PRKDC: variants seen among roughly 807,000 people sequenced by gnomAD.
The protein encoded by PRKDC is protein kinase, DNA-activated, catalytic subunit, also known as DNA-dependent protein kinase catalytic subunit.
PRKDC carries 82 observed loss-of-function variants against 486.9 expected under a neutral mutation model. The observed-to-expected ratio is 0.17, with a 90% CI of 0.14 to 0.20. PRKDC has a LOEUF of 0.20. Ranked by LOEUF, PRKDC falls within the 10% of genes least tolerant of loss-of-function variation. The probability of loss-of-function intolerance (pLI) is 1.00; values close to 1 mark genes in which losing one functional copy is unlikely to be tolerated. For synonymous variants in PRKDC, 1,895 were observed against 1,837.0 expected, an observed-to-expected ratio of 1.03 and a Z score of -0.81; for missense variants, 4,504 against 5,038.2, an observed-to-expected ratio of 0.89 and a Z score of 3.21.
chr8:47,891,994 G>A (rs1037704695), intron 31 of PRKDC, among the ~76,000 whole-genome samples: 11 of 151,936 alleles, frequency 7.2e-5, no homozygotes, highest in African/African-American at 7.2e-5. Context: ...TCAGCCTCCC[G>A]AGTAGCTGGG....
At chr8:47,922,813 A>G (rs1196236310) in intron 21 of PRKDC, among the ~76,000 whole-genome samples, 1 of 152,208 alleles carries the variant, frequency 6.6e-6, no homozygotes, top group Non-Finnish European at 1.5e-5. Flanking sequence ...GTTAACATGC[A>G]TAACATCTCT....
intron 40 of PRKDC, among the ~76,000 whole-genome samples, chr8:47,870,911 AT>A (rs2088936684): frequency 1.3e-5 from 2 of 152,206 alleles, no homozygotes; most frequent in Non-Finnish European, 2.9e-5. Flanking sequence ...TCAAGCAGAA[AT>A]TATCAATCTG....
chr8:47,941,941 C>T (rs2090451909), intron 10 of PRKDC, among the ~76,000 whole-genome samples: 1 of 152,206 alleles, frequency 6.6e-6, no homozygotes, highest in South Asian at 2.1e-4. Context: ...GAGATGTCTG[C>T]GTGGCTCATT....
chr8:47,910,921 A>C (rs2089889504), intron 25 of PRKDC, among the ~76,000 whole-genome samples: 2 of 152,316 alleles, frequency 1.3e-5, no homozygotes, highest in South Asian at 4.1e-4. Context: ...TATGAGAATA[A>C]TATATGAAAA....
At chr8:47,930,554 G>A (rs937745881) in intron 17 of PRKDC, 118 bp downstream of exon 17, 4 of 1,031,034 alleles carry the variant, frequency 3.9e-6, no homozygotes, top group Admixed American at 2.6e-5. Flanking sequence ...TTACAGGCGT[G>A]AGCCACCGAA....
chr8:47,938,145 G>A (rs2090385401), intron 11 of PRKDC, among the ~76,000 whole-genome samples: 1 of 151,940 alleles, frequency 6.6e-6, no homozygotes. Context: ...GGTGGCTCAT[G>A]CCTGTAATCC....
chr8:47,867,250 C>A (rs959062295), intron 40 of PRKDC, among the ~76,000 whole-genome samples: 13 of 152,058 alleles, frequency 8.5e-5, no homozygotes, highest in African/African-American at 2.9e-4. Context: ...AAAAGAGGAA[C>A]AAGAGAAGGG....
rs745571072 is a variant in PRKDC, at chr8:47,930,634, C to A, written c.1892+38G>T. ...TATATTACAGCCAATAACTAACAAT[C>A]ATTTTCATTCTTAAATAATTAGAAT... On this transcript the variant is annotated intron_variant, in intron 17 of 85. Transcript: ENST00000314191. 9 of 1,509,568 alleles carry A rather than the reference C, an allele frequency of 6.0e-6. No homozygotes were observed. In the South Asian group the frequency reaches 1.1e-4, roughly 19 times the overall value. The allele number at this position is 1,509,568 out of a possible 1,614,324, so 93.5% of individuals were successfully genotyped here.
chr8:47,918,156 T>C (rs2090017051), intron 22 of PRKDC, 121 bp downstream of exon 22: 1 of 594,040 alleles, frequency 1.7e-6, no homozygotes, highest in Middle Eastern at 3.3e-4. Flanking sequence ...TATTTTTATA[T>C]TGTACTCTAC....
chr8:47,792,312 G>GC (rs2086895613), intron 74 of PRKDC, among the ~76,000 whole-genome samples: 1 of 149,180 alleles, frequency 6.7e-6, no homozygotes, highest in East Asian at 2.0e-4. Context: ...AGGCTGGAGT[G>GC]CAGTGGCTTG....
In PRKDC at chr8:47,939,717, A is replaced by AT. The variant is rs746155433; in HGVS notation, c.967-21dup. ...AGAAACCTGCAAATACATAATATTT[A>AT]TTTTTTTGGAAATATTTAATAGCAA... is the stretch of plus-strand genomic sequence containing the variant. On this transcript the variant is annotated intron_variant, in intron 10 of 85. Transcript: ENST00000314191. 2.8e-5 allele frequency: 43 copies of AT among 1,536,272 alleles called. No homozygotes were observed. Among genetic ancestry groups the AT allele is most frequent in the Non-Finnish European group, 3.7e-5 (42 of 1,134,824 alleles).
rs775866294 is a variant in PRKDC, at chr8:47,887,996, CG to C, written c.4414-292del. Among the ~76,000 whole-genome samples the C allele has an allele frequency of 5.3e-5, 8 of 152,268 alleles. No homozygotes were observed. In the South Asian group the frequency reaches 1.0e-3, roughly 20 times the overall value. On this transcript the variant is annotated intron_variant, in intron 34 of 85. Transcript: ENST00000314191. ...TCAGCCTCCTGAGTAGCTGGGACTA[CG>C]GGTCCGCGGCACCCACTCCTGGACA...
At chr8:47,863,325 T>C (rs944685854) in intron 42 of PRKDC, 74 bp downstream of exon 42, 28 of 1,244,286 alleles carry the variant, frequency 2.3e-5, no homozygotes, top group Middle Eastern at 5.4e-4. Context: ...ATTCACACTA[T>C]ATACATACAT....
chr8:47,801,467 A>G (rs1238557480), intron 70 of PRKDC, among the ~76,000 whole-genome samples: 2 of 152,232 alleles, frequency 1.3e-5, no homozygotes, highest in African/African-American at 4.8e-5. Flanking sequence ...TTGAACTCAC[A>G]TATTAATGAA....
At position 47,800,568 on chromosome 8, in the gene PRKDC, C is replaced by A. The variant is rs1563741241; in HGVS notation, c.10116+225G>T. Among the ~76,000 whole-genome samples the A allele has an allele frequency of 2.0e-5, 3 of 151,904 alleles. No homozygotes were observed. The East Asian group carries it at 5.8e-4, about 29-fold the overall frequency. The stretch of plus-strand genomic sequence containing the variant: ...GCACATGTATACATATGTAACTAAC[C>A]TGCACATTGTGCACATGTACCCTAA... On this transcript the variant is annotated intron_variant, in intron 71 of 85. Coordinates refer to ENST00000314191, the MANE Select transcript of PRKDC (RefSeq NM_006904.7).
chr8:47,905,865 G>C (rs77219845), intron 25 of PRKDC, among the ~76,000 whole-genome samples: 1 of 152,048 alleles, frequency 6.6e-6, no homozygotes, highest in Non-Finnish European at 1.5e-5. Context: ...CTCCAGGTCT[G>C]GGCTCCTCCC....
rs568951402 is a variant in PRKDC, at chr8:47,783,929, A to G, written c.11108-120T>C. 158 of 1,023,130 alleles carry G rather than the reference A, an allele frequency of 1.5e-4. 4 individuals carry two copies. The South Asian group carries it at 2.1e-3, about 14-fold the overall frequency. 63.4% of individuals were successfully genotyped at this position (1,023,130 alleles called of 1,614,324 possible). On this transcript the variant is annotated intron_variant, in intron 77 of 85. Transcript: ENST00000314191. ...CTAACATGATAAAACCTTTTACTGA[A>G]AAGTTTTCACTTAAAGGGAACTGAC... is the stretch of plus-strand genomic sequence containing the variant.
chr8:47,921,171 C>A (rs1012174610), intron 21 of PRKDC, among the ~76,000 whole-genome samples: 1 of 151,766 alleles, frequency 6.6e-6, no homozygotes, highest in Non-Finnish European at 1.5e-5. Flanking sequence ...AGGAGAATGG[C>A]GTGAACCCAG....
intron 69 of PRKDC, among the ~76,000 whole-genome samples, chr8:47,804,573 T>C (rs2087179598): frequency 6.6e-6 from 1 of 152,194 alleles, no homozygotes. Context: ...GTGCTGGAAT[T>C]ACAGGCCTGA....
Sources: allele counts gnomAD v4.1 joint callset (sites outside exome capture counted in the v4.1 genomes callset), GRCh38; gene constraint gnomAD v4.1.1; transcripts MANE v1.5; gene names NCBI Gene and HGNC (gene_info 2026-07-23, HGNC 2026-07-21).